The following ZP3 variants were observed in gnomAD, a reference collection of about 807,000 sequenced individuals.
ZP3 encodes the protein zona pellucida sperm-binding protein 3.
ZP3 carries 21 observed loss-of-function variants against 35.6 expected under a neutral mutation model. The observed-to-expected ratio is 0.59, with a 90% CI of 0.42 to 0.85. ZP3 has a LOEUF of 0.85. ZP3 is among the 40% of genes least tolerant of loss of function. The pLI, the probability that ZP3 is intolerant of heterozygous loss-of-function variation, is 0.00. For synonymous variants in ZP3, 207 were observed against 214.5 expected, an observed-to-expected ratio of 0.96 and a Z score of 0.31; for missense variants, 437 against 536.5, an observed-to-expected ratio of 0.81 and a Z score of 1.83.
upstream of ZP3, among the ~76,000 whole-genome samples, chr7:76,422,394 G>C (rs751573712): frequency 5.3e-5 from 8 of 152,028 alleles, no homozygotes; most frequent in Non-Finnish European, 1.0e-4. Context: ...ATTGACATGA[G>C]GTGGCCAGGC....
chr7:76,432,191 C>CTT (rs1220022866), intron 2 of ZP3, among the ~76,000 whole-genome samples: 1 of 148,098 alleles, frequency 6.8e-6, no homozygotes, highest in Non-Finnish European at 1.5e-5. Flanking sequence ...CTTTTCTTTT[C>CTT]TTTTCTTTTT....
chr7:76,428,268 C>A (rs1409866598), intron 1 of ZP3, among the ~76,000 whole-genome samples: 1 of 151,728 alleles, frequency 6.6e-6, no homozygotes, highest in Non-Finnish European at 1.5e-5. Context: ...TTGCAGTGAG[C>A]CGAGTTCGTG....
chr7:76,431,805 A>G (rs1383171940), intron 2 of ZP3, among the ~76,000 whole-genome samples: 1 of 151,602 alleles, frequency 6.6e-6, no homozygotes, highest in Non-Finnish European at 1.5e-5. Context: ...AGGCTGAGGC[A>G]GGAGAATGGC....
At chr7:76,429,809 C>T (rs865885988) in intron 2 of ZP3, among the ~76,000 whole-genome samples, 176 bp downstream of exon 2, 1 of 152,128 alleles carries the variant, frequency 6.6e-6, no homozygotes, top group Admixed American at 6.6e-5. Context: ...GAGTCTAGTT[C>T]GAGCCCCAGA....
chr7:76,437,047 G>A (rs1350501108), intron 5 of ZP3, among the ~76,000 whole-genome samples: 7 of 152,014 alleles, frequency 4.6e-5, no homozygotes, highest in South Asian at 2.1e-4. Flanking sequence ...GGCTGGGCAC[G>A]GTGGTTCACA....
chr7:76,429,690 A>C, intron 2 of ZP3, 57 bp downstream of exon 2: 1 of 1,481,626 alleles, frequency 6.7e-7, no homozygotes, highest in Non-Finnish European at 9.4e-7. Context: ...GTGTGGCTGC[A>C]GGCAAGTGGG....
rs140210922 is a variant in ZP3 at position 76,401,613 on chromosome 7, C to T, written c.-67+3816C>T. Among the ~76,000 whole-genome samples the T allele has an allele frequency of 8.2e-3, 1,245 of 152,228 alleles. 20 individuals carry two copies. Among genetic ancestry groups the T allele is most frequent in the African/African-American group, 0.028 (1,169 of 41,538 alleles). ...TGTATTTTTAGTAGAGATGGGGTTTCGCCATGTTGGCCAGGCTGGTCTTGA... is the reference window on the plus strand; with the variant it reads ...TGTATTTTTAGTAGAGATGGGGTTTTGCCATGTTGGCCAGGCTGGTCTTGA... On this transcript the variant is annotated intron_variant, in intron 1 of 8. Transcript: ENST00000336517.
intron 1 of ZP3, chr7:76,429,149 C>T (rs985768278): frequency 3.7e-6 from 1 of 269,456 alleles, no homozygotes; most frequent in Non-Finnish European, 7.4e-6. Context: ...TTGGGTGTTA[C>T]ATGGTATCTG....
At chr7:76,412,323 T>G (rs1805268635) in intron 1 of ZP3, among the ~76,000 whole-genome samples, 1 of 152,152 alleles carries the variant, frequency 6.6e-6, no homozygotes, top group African/African-American at 2.4e-5. Flanking sequence ...ATGATTCCGT[T>G]TATAAAACAT....
intron 1 of ZP3, among the ~76,000 whole-genome samples, chr7:76,427,643 G>T (rs1805707513): frequency 6.6e-6 from 1 of 152,098 alleles, no homozygotes; most frequent in Admixed American, 6.6e-5. Flanking sequence ...TTGAATAAGG[G>T]GCCCCACGAG....
chr7:76,433,325 T>C (rs549838188), intron 3 of ZP3, 145 bp from the exon 4 acceptor site: 314 of 875,866 alleles, frequency 3.6e-4, no homozygotes, highest in Non-Finnish European at 5.2e-4. Context: ...CAGCTAACTT[T>C]TCTATTTTTA....
rs765917789 is a variant in ZP3, at chr7:76,425,043, C to T, written c.79C>T (p.Leu27Phe). Residue 27 changes from leucine to phenylalanine, a missense_variant, in exon 1 of 8, where the codon CTC becomes TTC. Physicochemically the swap from Leu to Phe is conservative, Grantham distance 22. Coordinates refer to ENST00000394857, the MANE Select transcript of ZP3 (RefSeq NM_001110354.2). ...GCTGTGCTACCCCCAACCCCTCTGG[C>T]TCTTGCAGGGTGGAGCCAGCCATCC... ...TELCYPQPLW[L>F]LQGGASHPET... 4 of 1,606,142 alleles carry T rather than the reference C, an allele frequency of 2.5e-6. No individual in the cohort carries two copies. The highest frequency in any genetic ancestry group is 2.2e-5 in the South Asian group (2 of 90,022).
chr7:76,430,025 C>T (rs1304430671), intron 2 of ZP3, among the ~76,000 whole-genome samples: 1 of 152,058 alleles, frequency 6.6e-6, no homozygotes, highest in Admixed American at 6.6e-5. Context: ...AGTTCAAGAC[C>T]AGTCTGGCCT....
chr7:76,430,106 A>C (rs1805783774), intron 2 of ZP3, among the ~76,000 whole-genome samples: 1 of 152,104 alleles, frequency 6.6e-6, no homozygotes, highest in South Asian at 2.1e-4. Context: ...GCTACTTGGG[A>C]GGCTGAGGCA....
chr7:76,436,018 G>A (rs577290370), intron 5 of ZP3, among the ~76,000 whole-genome samples: 2 of 105,838 alleles, frequency 1.9e-5, no homozygotes, highest in Non-Finnish European at 3.6e-5. Flanking sequence ...ACCACCACGC[G>A]CCCCCCGCCC....
At chr7:76,419,037 G>A (rs1197327696) in intron 1 of ZP3, among the ~76,000 whole-genome samples, 1 of 152,076 alleles carries the variant, frequency 6.6e-6, no homozygotes, top group Non-Finnish European at 1.5e-5. Flanking sequence ...ACTTCTCTGA[G>A]TGCTTATTCC....
intron 5 of ZP3, among the ~76,000 whole-genome samples, chr7:76,436,254 C>A (rs1237983945): frequency 6.6e-6 from 1 of 152,054 alleles, no homozygotes; most frequent in Non-Finnish European, 1.5e-5. Context: ...ACCATATTGG[C>A]CAGGCTGGTC....
chr7:76,433,430 C>A, intron 3 of ZP3, 40 bp from the exon 4 acceptor site: 1 of 1,582,206 alleles, frequency 6.3e-7, no homozygotes. Context: ...GCTGGGATTA[C>A]AGGCATGAGC....
At chr7:76,405,980 T>C (rs1805013894) in intron 1 of ZP3, among the ~76,000 whole-genome samples, 1 of 149,082 alleles carries the variant, frequency 6.7e-6, no homozygotes, top group South Asian at 2.1e-4. Context: ...TTTCCTTTCC[T>C]TTCTTTTCTT....
Sources: allele counts gnomAD v4.1 joint callset (sites outside exome capture counted in the v4.1 genomes callset), GRCh38; gene constraint gnomAD v4.1.1; transcripts MANE v1.5; gene names NCBI Gene and HGNC (gene_info 2026-07-23, HGNC 2026-07-21).